PRICKLE2: variants seen among roughly 807,000 people sequenced by gnomAD.
The protein encoded by PRICKLE2 is prickle-like protein 2.
A neutral mutation model predicts 81.4 loss-of-function variants in PRICKLE2; 21 were observed. The observed-to-expected ratio is 0.26, with a 90% CI of 0.18 to 0.37. The LOEUF (loss-of-function observed/expected upper bound fraction) is 0.37, where lower values mean the gene tolerates loss of function less well. Among genes scored for constraint, PRICKLE2 ranks in the 10% least tolerant of loss-of-function variants. The probability of loss-of-function intolerance (pLI) is 1.00; values close to 1 mark genes in which losing one functional copy is unlikely to be tolerated. For synonymous variants in PRICKLE2, 456 were observed against 421.5 expected (o/e 1.08, Z -1.00); for missense variants, 940 against 1,109.0 (o/e 0.85, Z 2.16).
chr3:64,179,047 T>C (rs558613914), intron 2 of PRICKLE2, among the ~76,000 whole-genome samples: 1 of 149,910 alleles, frequency 6.7e-6, no homozygotes, highest in South Asian at 2.1e-4. Flanking sequence ...TTTCTTTCCT[T>C]CTTTCTTTCT....
intron 1 of PRICKLE2, among the ~76,000 whole-genome samples, chr3:64,201,775 C>G (rs1176087857): frequency 6.6e-6 from 1 of 151,788 alleles, no homozygotes; most frequent in Non-Finnish European, 1.5e-5. Context: ...GTTGCTGTTG[C>G]TTTTGTTTTT....
chr3:64,216,337 A>G (rs1357664988), intron 1 of PRICKLE2, among the ~76,000 whole-genome samples: 1 of 152,210 alleles, frequency 6.6e-6, no homozygotes, highest in African/African-American at 2.4e-5. Context: ...ATTAAATTTC[A>G]GAAAGTTCAT....
At chr3:64,250,278 T>C (rs193148891) in intron 2 of PRICKLE2, among the ~76,000 whole-genome samples, 42 of 152,028 alleles carry the variant, frequency 2.8e-4, no homozygotes, top group African/African-American at 1.0e-3. Flanking sequence ...TCTTGTGTAC[T>C]GTAGGATATT....
chr3:64,262,647 G>C (rs908674006), intron 2 of PRICKLE2, among the ~76,000 whole-genome samples: 1 of 151,904 alleles, frequency 6.6e-6, no homozygotes, highest in Non-Finnish European at 1.5e-5. Context: ...TAGAAGAGGA[G>C]AAAAGAGCAG....
intron 2 of PRICKLE2, among the ~76,000 whole-genome samples, chr3:64,181,793 C>T (rs1233857215): frequency 6.6e-6 from 1 of 152,002 alleles, no homozygotes; most frequent in Non-Finnish European, 1.5e-5. Flanking sequence ...AGAAACTACC[C>T]AAAATTATAT....
chr3:64,120,892 T>A (rs990577870), intron 7 of PRICKLE2, among the ~76,000 whole-genome samples: 1 of 152,034 alleles, frequency 6.6e-6, no homozygotes, highest in African/African-American at 2.4e-5. Context: ...TCAGCAAAAG[T>A]GAAGCTGCCA....
chr3:64,170,704 A>G (rs2077914218), intron 2 of PRICKLE2, among the ~76,000 whole-genome samples: 1 of 74,944 alleles, frequency 1.3e-5, no homozygotes, highest in Non-Finnish European at 2.6e-5. Context: ...TAGAAACATT[A>G]AAAAAAAAAA....
intron 7 of PRICKLE2, among the ~76,000 whole-genome samples, chr3:64,126,872 G>T (rs555489682): frequency 1.6e-4 from 24 of 152,260 alleles, no homozygotes; most frequent in African/African-American, 5.3e-4. Context: ...CACTGTGCCC[G>T]GCCTTGTGGG....
rs187197516 is a variant in PRICKLE2 at position 64,197,355 on chromosome 3, G to A, written c.144+1429C>T. Among the ~76,000 whole-genome samples the A allele has an allele frequency of 6.8e-4, 104 of 152,138 alleles. No homozygotes were observed. The Middle Eastern group carries it at 0.024, about 35-fold the overall frequency. ...TGTCACACTGTCTTCCACAATGGCC[G>A]AACTCATTTACGCTCCCACCAACAA... On this transcript the variant is annotated intron_variant, in intron 2 of 7. Coordinates refer to ENST00000638394, the MANE Select transcript of PRICKLE2 (RefSeq NM_198859.4).
At chr3:64,254,431 AC>A (rs2079495572) in intron 2 of PRICKLE2, among the ~76,000 whole-genome samples, 1 of 152,158 alleles carries the variant, frequency 6.6e-6, no homozygotes, top group Non-Finnish European at 1.5e-5. Context: ...TAGACAAGAA[AC>A]CACCTAGATG....
chr3:64,154,570 G>A (rs796419238), intron 5 of PRICKLE2: 4 of 151,718 alleles, frequency 2.6e-5, no homozygotes, highest in African/African-American at 9.7e-5. Context: ...TAATTCAAAT[G>A]GGTTTAAAGA....
chr3:64,115,876 A>C (rs12107938), intron 7 of PRICKLE2, among the ~76,000 whole-genome samples: 2 of 152,224 alleles, frequency 1.3e-5, no homozygotes, highest in Middle Eastern at 3.4e-3. Context: ...CTCTCCACCC[A>C]AAAAAACAGA....
chr3:64,182,927 A>G (rs1279818865), intron 2 of PRICKLE2, among the ~76,000 whole-genome samples: 3 of 152,190 alleles, frequency 2.0e-5, no homozygotes, highest in African/African-American at 7.2e-5. Flanking sequence ...AAGCAGAGGA[A>G]AAAAGATAGC....
intron 7 of PRICKLE2, among the ~76,000 whole-genome samples, chr3:64,144,026 G>T (rs1413762624): frequency 2.0e-5 from 3 of 151,424 alleles, no homozygotes. Context: ...TGGGAACACA[G>T]ATGTGGATGT....
At chr3:64,121,608 A>AT (rs939631365) in intron 7 of PRICKLE2, among the ~76,000 whole-genome samples, 9 of 151,690 alleles carry the variant, frequency 5.9e-5, no homozygotes, top group South Asian at 2.1e-4. Flanking sequence ...GTTAGTCACA[A>AT]TTTTTTTTGT....
intron 2 of PRICKLE2, among the ~76,000 whole-genome samples, chr3:64,244,354 G>A (rs1022183056): frequency 6.6e-6 from 1 of 152,134 alleles, no homozygotes; most frequent in Non-Finnish European, 1.5e-5. Flanking sequence ...GTCATTTTCA[G>A]GGAGGATATA....
At chr3:64,258,845 AAAAGAAAGAAAGAAAG>A (rs572884974) in intron 2 of PRICKLE2, among the ~76,000 whole-genome samples, 8 of 34,008 alleles carry the variant, frequency 2.4e-4, no homozygotes, top group East Asian at 6.5e-4. Context: ...AAAAAAAAAA[AAAAGAAAGAAAGAAAG>A]AAAGAAAGAA....
chr3:64,140,920 G>C (rs697267), intron 7 of PRICKLE2, among the ~76,000 whole-genome samples: 1 of 151,974 alleles, frequency 6.6e-6, no homozygotes, highest in African/African-American at 2.4e-5. Flanking sequence ...TTCTGACTGT[G>C]ATTATGACCC....
chr3:64,117,927 G>A (rs1169850875), intron 7 of PRICKLE2, among the ~76,000 whole-genome samples: 2 of 152,086 alleles, frequency 1.3e-5, no homozygotes, highest in Non-Finnish European at 2.9e-5. Context: ...AAAGCAGAAG[G>A]CATCACATTT....
Sources: allele counts gnomAD v4.1 joint callset (sites outside exome capture counted in the v4.1 genomes callset), GRCh38; gene constraint gnomAD v4.1.1; transcripts MANE v1.5; gene names NCBI Gene and HGNC (gene_info 2026-07-23, HGNC 2026-07-21).